MYO16: variants seen among roughly 807,000 people sequenced by gnomAD.
MYO16 encodes the protein unconventional myosin-XVI.
Under a neutral mutation model 205.3 loss-of-function variants are expected in MYO16, and 94 were observed. That is an observed-to-expected ratio of 0.46 (90% CI 0.39 to 0.54). The LOEUF (loss-of-function observed/expected upper bound fraction) is 0.54, where lower values mean the gene tolerates loss of function less well. Among genes scored for constraint, MYO16 ranks in the 20% least tolerant of loss-of-function variants. The pLI, the probability that MYO16 is intolerant of heterozygous loss-of-function variation, is 0.00. For missense variants in MYO16, 2,315 were observed against 2,387.5 expected, an observed-to-expected ratio of 0.97 and a Z score of 0.63; for synonymous variants, 988 against 954.0, an observed-to-expected ratio of 1.04 and a Z score of -0.66.
chr13:108,503,475 C>A, the MYO16 span, among the ~76,000 whole-genome samples: 1 of 151,632 alleles, frequency 6.6e-6, no homozygotes, highest in African/African-American at 2.4e-5. Context: ...AGGTCAGAAT[C>A]TTGGATTAAA....
intron 2 of MYO16, among the ~76,000 whole-genome samples, chr13:108,701,304 A>C (rs1207852231): frequency 1.3e-5 from 2 of 152,116 alleles, no homozygotes; most frequent in Non-Finnish European, 2.9e-5. Context: ...ACTCATGTTA[A>C]AATTTAATTG....
chr13:108,809,914 T>C (rs914232436), intron 7 of MYO16, among the ~76,000 whole-genome samples: 5 of 152,142 alleles, frequency 3.3e-5, no homozygotes, highest in Non-Finnish European at 7.4e-5. Context: ...CACCAATTAT[T>C]GAGAACCATA....
At chr13:109,098,565 C>T (rs987116836) in intron 27 of MYO16, among the ~76,000 whole-genome samples, 5 of 152,242 alleles carry the variant, frequency 3.3e-5, no homozygotes, top group African/African-American at 1.2e-4. Flanking sequence ...AGAATTGGGC[C>T]CTTCCTGTTG....
At chr13:108,582,475 A>G in the MYO16 span, among the ~76,000 whole-genome samples, 4 of 152,196 alleles carry the variant, frequency 2.6e-5, no homozygotes, top group Admixed American at 2.6e-4. Flanking sequence ...GCACAACCCA[A>G]CTGAGCACCC....
chr13:108,676,658 A>G (rs79772125), intron 2 of MYO16, among the ~76,000 whole-genome samples: 5,235 of 152,286 alleles, frequency 0.034, 131 homozygotes, highest in South Asian at 0.12. Context: ...GCAGCATGAG[A>G]ATATGGACCA....
intron 16 of MYO16, among the ~76,000 whole-genome samples, chr13:108,923,052 G>T (rs1002893715): frequency 2.0e-5 from 3 of 152,148 alleles, no homozygotes; most frequent in Admixed American, 1.3e-4. Flanking sequence ...CTTCTCTTAC[G>T]CACTTCACAA....
rs115380331 is a variant in MYO16, at chr13:109,201,301, C to T, written c.5416-5308C>T. 2.7e-3 allele frequency among the ~76,000 whole-genome samples: 408 copies of T among 152,108 alleles called. 3 individuals are homozygous for T. The highest frequency in any genetic ancestry group is 8.4e-3 in the African/African-American group (350 of 41,502). ...TAATACTGCTAGAACCTTAAGACCT[C>T]GAAACTCTACTTAATCCCAATAACA... On this transcript the variant is annotated intron_variant, in intron 34 of 34. Coordinates refer to ENST00000457511, the MANE Select transcript of MYO16 (RefSeq NM_001198950.3).
chr13:108,833,470 A>G (rs1470718284), intron 9 of MYO16, among the ~76,000 whole-genome samples: 1 of 152,214 alleles, frequency 6.6e-6, no homozygotes, highest in Admixed American at 6.5e-5. Flanking sequence ...CTGTCTATTC[A>G]GTCAATTATT....
intron 23 of MYO16, among the ~76,000 whole-genome samples, chr13:109,023,053 GTA>G (rs1214893716): frequency 3.3e-4 from 44 of 131,554 alleles, no homozygotes; most frequent in African/African-American, 1.0e-3. Flanking sequence ...ACACATGTAA[GTA>G]TATGTTTATA....
chr13:108,763,699 G>A (rs1220406987), intron 4 of MYO16, among the ~76,000 whole-genome samples: 3 of 152,072 alleles, frequency 2.0e-5, no homozygotes, highest in Non-Finnish European at 4.4e-5. Flanking sequence ...CTTTTAGGAT[G>A]TGTTAGGGTC....
chr13:109,109,275 C>A (rs955546142), intron 28 of MYO16, among the ~76,000 whole-genome samples: 1 of 152,166 alleles, frequency 6.6e-6, no homozygotes, highest in African/African-American at 2.4e-5. Context: ...ATTACTAACA[C>A]GTTTTTCTTC....
chr13:108,818,936 TAAC>T (rs1319565249), intron 7 of MYO16, among the ~76,000 whole-genome samples: 2 of 152,342 alleles, frequency 1.3e-5, no homozygotes, highest in South Asian at 2.1e-4. Context: ...CCCAAGAATT[TAAC>T]AACAAGTAAA....
chr13:108,941,885 A>G (rs1180881310), intron 16 of MYO16, among the ~76,000 whole-genome samples: 3 of 152,168 alleles, frequency 2.0e-5, no homozygotes, highest in Non-Finnish European at 4.4e-5. Context: ...AAAAATTAAC[A>G]TATTTTGCTG....
chr13:108,684,994 A>C (rs187265665), intron 2 of MYO16, among the ~76,000 whole-genome samples: 56 of 149,386 alleles, frequency 3.7e-4, no homozygotes, highest in African/African-American at 1.4e-3. Flanking sequence ...AAATTATTGA[A>C]CCCAAGAAGA....
intron 23 of MYO16, among the ~76,000 whole-genome samples, chr13:109,033,117 A>G (rs1886596888): frequency 6.6e-6 from 1 of 152,134 alleles, no homozygotes; most frequent in South Asian, 2.1e-4. Context: ...TGGTTTTGCT[A>G]TTCAGAGGCA....
intron 2 of MYO16, among the ~76,000 whole-genome samples, chr13:108,691,414 G>C (rs963188232): frequency 1.2e-4 from 19 of 152,042 alleles, no homozygotes; most frequent in African/African-American, 4.3e-4. Context: ...GTGTGTGTTT[G>C]TGAGAGAGAG....
At chr13:108,897,103 G>C (rs938824794) in intron 14 of MYO16, among the ~76,000 whole-genome samples, 1 of 152,152 alleles carries the variant, frequency 6.6e-6, no homozygotes, top group East Asian at 1.9e-4. Flanking sequence ...CTAGGGAACA[G>C]GAAAACTAGT....
intron 34 of MYO16, 78 bp downstream of exon 34, chr13:109,179,711 A>C: frequency 8.6e-7 from 1 of 1,163,028 alleles, no homozygotes; most frequent in Non-Finnish European, 1.3e-6. Context: ...ACTTGTTACC[A>C]ATAGATGCTC....
chr13:109,206,806 G>A lies in MYO16; in HGVS notation c.5613G>A (p.Leu1871=), dbSNP rs371817855. The change falls in exon 35 of 35, where the codon CTG becomes CTA. Residue 1871 remains leucine (L), a synonymous_variant. Coordinates refer to ENST00000457511, the MANE Select transcript of MYO16 (RefSeq NM_001198950.3). ...CGGAAGGGGCCTCCTGCAACAGGCT[G>A]CCGTCTGAGCTCTGGGACACCACCA... is the stretch of plus-strand genomic sequence containing the variant. ...KKPEGASCNR[L]PSELWDTTI The A allele has an allele frequency of 4.9e-5, 79 of 1,614,010 alleles. No homozygotes were observed. The highest frequency in any genetic ancestry group is 6.3e-5 in the Non-Finnish European group (74 of 1,180,018).
Sources: gnomAD v4.1 joint callset for allele counts (sites outside exome capture counted in the v4.1 genomes callset) on GRCh38, gnomAD v4.1.1 for gene constraint, MANE v1.5 for transcripts, NCBI Gene and HGNC (gene_info 2026-07-23, HGNC 2026-07-21) for gene names.